Variants in KCNK1 observed in about 807,000 individuals in gnomAD.
KCNK1 encodes the protein potassium channel subfamily K member 1.
A neutral mutation model predicts 22.2 loss-of-function variants in KCNK1; 10 were observed. That is an observed-to-expected ratio of 0.45 (90% CI 0.28 to 0.76). The LOEUF is 0.76. Ranked by LOEUF, KCNK1 falls within the 30% of genes least tolerant of loss-of-function variation. The pLI, the probability that KCNK1 is intolerant of heterozygous loss-of-function variation, is 0.14. For synonymous variants in KCNK1, 200 were observed against 186.4 expected (o/e 1.07, Z -0.60); for missense variants, 378 against 421.0 (o/e 0.90, Z 0.89).
At chr1:233,655,880 T>C (rs1658282275) in intron 1 of KCNK1, 1 of 151,474 alleles carries the variant, frequency 6.6e-6, no homozygotes, top group Non-Finnish European at 1.5e-5. Context: ...TACCCTTGGA[T>C]GAGGAGCAAC....
At chr1:233,634,318 CAA>C (rs57277108) in intron 1 of KCNK1, among the ~76,000 whole-genome samples, 4,600 of 140,296 alleles carry the variant, frequency 0.033, 75 homozygotes, top group Middle Eastern at 0.067. Context: ...ACAACAACAA[CAA>C]AAAAAAAAAA....
At chr1:233,648,377 C>T (rs1248096004) in intron 1 of KCNK1, among the ~76,000 whole-genome samples, 1 of 152,136 alleles carries the variant, frequency 6.6e-6, no homozygotes, top group African/African-American at 2.4e-5. Flanking sequence ...ATACACAAGC[C>T]AGCTGTCAAC....
intron 1 of KCNK1, among the ~76,000 whole-genome samples, chr1:233,627,300 TAA>T (rs1221288547): frequency 6.6e-6 from 1 of 152,170 alleles, no homozygotes; most frequent in Non-Finnish European, 1.5e-5. Flanking sequence ...GGAAGGGAAA[TAA>T]AGTGTTTTAA....
intron 1 of KCNK1, among the ~76,000 whole-genome samples, chr1:233,635,517 T>A (rs892438281): frequency 6.6e-6 from 1 of 152,346 alleles, no homozygotes; most frequent in Non-Finnish European, 1.5e-5. Context: ...CGACTATATA[T>A]ATTTTTTATT....
At chr1:233,614,699 C>T (rs1398346290) in intron 1 of KCNK1, among the ~76,000 whole-genome samples, 173 bp downstream of exon 1, 1 of 151,786 alleles carries the variant, frequency 6.6e-6, no homozygotes, top group African/African-American at 2.4e-5. Context: ...CCGACCTTCC[C>T]CTTACTGGCG....
chr1:233,614,443 C>A lies in KCNK1; in HGVS notation c.272C>A (p.Ser91Ter). The change falls in exon 1 of 3, where the codon TCG (serine) becomes TAG (stop). Residue 91 changes from serine (S) to a stop codon, truncating the protein, a stop_gained. Transcript: ENST00000366621. LOFTEE classifies it high-confidence loss of function. Reference protein sequence around the residue: ...RVLEASNYGVSVLSNASGNWN... With the variant: ...RVLEASNYGV ...CTGGAGGCCAGCAACTACGGCGTGTCGGTGCTCAGCAACGCCTCGGGCAAC... is the reference window on the plus strand; with the variant it reads ...CTGGAGGCCAGCAACTACGGCGTGTAGGTGCTCAGCAACGCCTCGGGCAAC... The A allele has an allele frequency of 6.2e-7, 1 of 1,613,288 alleles. No homozygotes were observed. The highest frequency in any genetic ancestry group is 8.5e-7 in the Non-Finnish European group (1 of 1,179,758).
chr1:233,667,698 C>T (rs1259535630), intron 2 of KCNK1, among the ~76,000 whole-genome samples: 3 of 131,692 alleles, frequency 2.3e-5, no homozygotes, highest in South Asian at 2.4e-4. Context: ...CCACTGCACT[C>T]CAGCCTGGGC....
At chr1:233,638,961 G>C (rs1657959084) in intron 1 of KCNK1, among the ~76,000 whole-genome samples, 1 of 152,174 alleles carries the variant, frequency 6.6e-6, no homozygotes, top group African/African-American at 2.4e-5. Flanking sequence ...CTCACTGTTT[G>C]GGAAAATTAA....
chr1:233,624,280 C>T (rs1418652764), intron 1 of KCNK1: 1 of 152,556 alleles, frequency 6.6e-6, no homozygotes, highest in East Asian at 1.9e-4. Flanking sequence ...AAAGTGTGCT[C>T]CCCAGGATGC....
At chr1:233,636,234 A>G (rs914103221) in intron 1 of KCNK1, among the ~76,000 whole-genome samples, 6 of 152,274 alleles carry the variant, frequency 3.9e-5, no homozygotes, top group East Asian at 3.9e-4. Context: ...AGTTGAGTGA[A>G]GTTGAGGAGT....
chr1:233,646,255 T>C (rs998414439), intron 1 of KCNK1, among the ~76,000 whole-genome samples: 1 of 151,976 alleles, frequency 6.6e-6, no homozygotes, highest in Non-Finnish European at 1.5e-5. Flanking sequence ...TATAATGGAG[T>C]CTCTTGAAGA....
chr1:233,632,700 C>T (rs1657825367), intron 1 of KCNK1, among the ~76,000 whole-genome samples: 2 of 152,248 alleles, frequency 1.3e-5, no homozygotes, highest in Non-Finnish European at 2.9e-5. Flanking sequence ...TTCTGCTGTC[C>T]ACTCACTGGT....
intron 1 of KCNK1, chr1:233,629,928 T>C (rs1427801467): frequency 6.6e-6 from 1 of 151,844 alleles, no homozygotes; most frequent in Non-Finnish European, 1.5e-5. Flanking sequence ...AGTAGCGAAG[T>C]TGTTGCTGTA....
rs554202581 is a variant in KCNK1, at chr1:233,614,529, A to G, written c.355+3A>G. 3.8e-5 allele frequency: 59 copies of G among 1,572,646 alleles called. No individual in the cohort carries two copies. The highest frequency in any genetic ancestry group is 4.8e-5 in the Non-Finnish European group (56 of 1,156,908). On this transcript the variant is annotated splice_donor_region_variant and intron_variant, in intron 1 of 2. Coordinates refer to ENST00000366621, the MANE Select transcript of KCNK1 (RefSeq NM_002245.4). Reference sequence around the variant, plus strand: ...CAGCACCGTGCTCTCCACCACAGGTAGGGTATCCTGCGCGCCCCCTGGCCG... The same window carrying G: ...CAGCACCGTGCTCTCCACCACAGGTGGGGTATCCTGCGCGCCCCCTGGCCG...
chr1:233,649,662 G>A (rs1250197887), intron 1 of KCNK1, among the ~76,000 whole-genome samples: 6 of 152,184 alleles, frequency 3.9e-5, no homozygotes, highest in Admixed American at 3.9e-4. Flanking sequence ...TGTGGTGGAA[G>A]GGGCAAATAG....
chr1:233,667,654 C>CG (rs1391219429), intron 2 of KCNK1, among the ~76,000 whole-genome samples: 1 of 137,936 alleles, frequency 7.2e-6, no homozygotes, highest in African/African-American at 2.6e-5. Flanking sequence ...GGCGTGAACC[C>CG]GGGAGGCGGA....
At chr1:233,659,581 C>G (rs1658356214) in intron 1 of KCNK1, among the ~76,000 whole-genome samples, 2 of 151,260 alleles carry the variant, frequency 1.3e-5, no homozygotes, top group African/African-American at 4.8e-5. Flanking sequence ...TATACATACA[C>G]TATAATCGTA....
intron 1 of KCNK1, among the ~76,000 whole-genome samples, chr1:233,620,057 G>A (rs1424734807): frequency 3.3e-5 from 5 of 150,940 alleles, no homozygotes; most frequent in Non-Finnish European, 7.4e-5. Context: ...AAATGGTTGG[G>A]ACAAAAAAAA....
intron 1 of KCNK1, among the ~76,000 whole-genome samples, chr1:233,642,935 A>ATT (rs11459973): frequency 0.025 from 3,380 of 133,112 alleles, 139 homozygotes; most frequent in Admixed American, 0.11. Flanking sequence ...CACCCGGCTA[A>ATT]TTTTTTTTTT....
Sources: gnomAD v4.1 joint callset for allele counts (sites outside exome capture counted in the v4.1 genomes callset) on GRCh38, gnomAD v4.1.1 for gene constraint, MANE v1.5 for transcripts, NCBI Gene and HGNC (gene_info 2026-07-23, HGNC 2026-07-21) for gene names.